NEMP2: variants seen among roughly 807,000 people sequenced by gnomAD.
NEMP2 encodes nuclear envelope integral membrane protein 2.
NEMP2 carries 53 observed loss-of-function variants against 54.2 expected under a neutral mutation model. That is an observed-to-expected ratio of 0.98 (90% CI 0.78 to 1.23). The LOEUF (loss-of-function observed/expected upper bound fraction) is 1.23, where lower values mean the gene tolerates loss of function less well. NEMP2 is among the 50% of genes most tolerant of loss of function. The probability of loss-of-function intolerance (pLI) is 0.00; values close to 1 mark genes in which losing one functional copy is unlikely to be tolerated. For missense variants in NEMP2, 455 were observed against 511.3 expected (o/e 0.89, Z 1.06); for synonymous variants, 197 against 190.3 (o/e 1.04, Z -0.29).
chr2:190,488,863 A>G, the NEMP2 span: 291 of 1,482,490 alleles, frequency 2.0e-4, no homozygotes, highest in African/African-American at 3.3e-4. The surrounding 1 kb of genome is among the most constrained non-coding windows in gnomAD (Gnocchi z 6.4). Context: ...TTATTAAAAC[A>G]TGATTTTTTC....
At chr2:190,563,413 T>C in the NEMP2 span, among the ~76,000 whole-genome samples, 1 of 152,192 alleles carries the variant, frequency 6.6e-6, no homozygotes, top group African/African-American at 2.4e-5. The surrounding 1 kb of genome is among the most constrained non-coding windows in gnomAD (Gnocchi z 4.3). Context: ...GAATGTGCTT[T>C]GGGCGGTAGT....
chr2:190,526,005 G>T (rs568968505), intron 1 of NEMP2, among the ~76,000 whole-genome samples: 1 of 152,096 alleles, frequency 6.6e-6, no homozygotes, highest in Non-Finnish European at 1.5e-5. Context: ...ACACTCAAAA[G>T]GATTTAACTG....
intron 4 of NEMP2, 80 bp downstream of exon 4, chr2:190,518,656 G>C: frequency 1.7e-6 from 2 of 1,181,698 alleles, no homozygotes; most frequent in Non-Finnish European, 2.4e-6. Flanking sequence ...ACAATAGTGT[G>C]AAAATACTTA....
At chr2:190,561,280 G>A in the NEMP2 span, among the ~76,000 whole-genome samples, 1 of 152,178 alleles carries the variant, frequency 6.6e-6, no homozygotes, top group African/African-American at 2.4e-5. This position sits in a 1 kb window ranked among gnomAD's most constrained non-coding sequence, Gnocchi z 5.4. Flanking sequence ...CCTTAACCCT[G>A]TCTCAGATAG....
rs1464329532 is a variant in NEMP2 at position 190,519,142 on chromosome 2, G to A, written c.255C>T (p.Ile85=). 6.5e-6 allele frequency: 10 copies of A among 1,550,240 alleles called. No individual in the cohort carries two copies. Among genetic ancestry groups the A allele is most frequent in the Non-Finnish European group, 7.0e-6 (8 of 1,146,900 alleles). The change falls in exon 3 of 9, where the codon ATC becomes ATT. Residue 85 remains isoleucine, a synonymous_variant. Coordinates refer to ENST00000409150, the MANE Select transcript of NEMP2 (RefSeq NM_001142645.2). The surrounding 1 kb of genome is among the most constrained non-coding windows in gnomAD (Gnocchi z 5.4). ...TSPGLFRIVY[I]AERHNCQYPE... ...GATATTGGCAATTATGTCTTTCTGCGATATATACAATTCTGAACAGGCCTG... is the reference window on the plus strand; with the variant it reads ...GATATTGGCAATTATGTCTTTCTGCAATATATACAATTCTGAACAGGCCTG...
the NEMP2 span, among the ~76,000 whole-genome samples, chr2:190,422,147 A>G: frequency 6.6e-6 from 1 of 152,066 alleles, no homozygotes; most frequent in Non-Finnish European, 1.5e-5. Flanking sequence ...TGTTTATTTA[A>G]CTTTCTCTGT....
the NEMP2 span, among the ~76,000 whole-genome samples, chr2:190,606,581 G>A: frequency 6.6e-6 from 1 of 152,172 alleles, no homozygotes; most frequent in Non-Finnish European, 1.5e-5. Flanking sequence ...GTGTGGTGGG[G>A]CAGGACTGTA....
chr2:190,445,794 A>G, the NEMP2 span, among the ~76,000 whole-genome samples: 1 of 136,254 alleles, frequency 7.3e-6, no homozygotes, highest in East Asian at 2.5e-4. Flanking sequence ...TTGAAATCAG[A>G]TTCATAACGT....
At chr2:190,481,800 A>C in the NEMP2 span, among the ~76,000 whole-genome samples, 6 of 152,120 alleles carry the variant, frequency 3.9e-5, no homozygotes, top group Non-Finnish European at 8.8e-5. Flanking sequence ...TCTTATATAA[A>C]CTTTCTTTCG....
At chr2:190,462,047 A>G in the NEMP2 span, among the ~76,000 whole-genome samples, 1 of 152,136 alleles carries the variant, frequency 6.6e-6, no homozygotes, top group Non-Finnish European at 1.5e-5. This position sits in a 1 kb window ranked among gnomAD's most constrained non-coding sequence, Gnocchi z 5.7. Context: ...CTACAGAAAT[A>G]TACTCCTTAG....
rs1451679342 is a variant in NEMP2, at chr2:190,523,384, T to C, written c.213+1879A>G. Reference sequence around the variant, plus strand: ...CTGGGATTAGGCAAATAAATAAATATATTTGAGGATAATGGGAACTAAGTT... The same window carrying C: ...CTGGGATTAGGCAAATAAATAAATACATTTGAGGATAATGGGAACTAAGTT... On this transcript the variant is annotated intron_variant, in intron 2 of 8. Coordinates refer to ENST00000409150, the MANE Select transcript of NEMP2 (RefSeq NM_001142645.2). This position sits in a 1 kb window ranked among gnomAD's most constrained non-coding sequence, Gnocchi z 5.3. Among the ~76,000 whole-genome samples, 1 of 152,208 alleles carries C rather than the reference T, an allele frequency of 6.6e-6. No individual in the cohort carries two copies. The highest frequency in any genetic ancestry group is 2.4e-5 in the African/African-American group (1 of 41,452).
intron 1 of NEMP2, 40 bp downstream of exon 1, chr2:190,534,519 A>AGCAC (rs1691291132): frequency 8.1e-6 from 11 of 1,366,114 alleles, no homozygotes; most frequent in East Asian, 3.1e-5. Context: ...CCGGGGAGCG[A>AGCAC]GCACGCACGC....
rs113513675 is a variant in NEMP2 at position 190,532,793 on chromosome 2, G to A, written c.97+1766C>T. 8.4e-3 allele frequency among the ~76,000 whole-genome samples: 1,285 copies of A among 152,332 alleles called. 6 individuals carry two copies. Among genetic ancestry groups the A allele is most frequent in the Non-Finnish European group, 0.012 (802 of 68,020 alleles). The stretch of plus-strand genomic sequence containing the variant: ...AGAGCAGCTATGGTTCTTAAGCCTA[G>A]TCTAATCCAGGGCTGCCAACAGTGT... On this transcript the variant is annotated intron_variant, in intron 1 of 8. Transcript: ENST00000409150.
At chr2:190,473,584 G>A in the NEMP2 span, among the ~76,000 whole-genome samples, 1 of 152,154 alleles carries the variant, frequency 6.6e-6, no homozygotes, top group Non-Finnish European at 1.5e-5. Flanking sequence ...AGTCCTTAGA[G>A]ACCTACAAAG....
At chr2:190,579,274 A>G in the NEMP2 span, among the ~76,000 whole-genome samples, 1 of 151,646 alleles carries the variant, frequency 6.6e-6, no homozygotes, top group Non-Finnish European at 1.5e-5. Context: ...TGAATACATA[A>G]TTTTAAAGAC....
the NEMP2 span, among the ~76,000 whole-genome samples, chr2:190,421,979 C>T: frequency 6.6e-6 from 1 of 152,144 alleles, no homozygotes; most frequent in African/African-American, 2.4e-5. Context: ...GAAAGCCTAA[C>T]TTTCTCATTT....
Position 190,514,304 on chromosome 2 carries a change from T to C in NEMP2, c.953+149A>G. 1.3e-6 allele frequency: 1 copy of C among 757,174 alleles called. No homozygotes were observed. Among genetic ancestry groups the C allele is most frequent in the Non-Finnish European group, 2.2e-6 (1 of 461,568 alleles). 46.9% of individuals were successfully genotyped at this position (757,174 alleles called of 1,614,324 possible). On this transcript the variant is annotated intron_variant, in intron 7 of 8. Coordinates refer to ENST00000409150, the MANE Select transcript of NEMP2 (RefSeq NM_001142645.2). This position sits in a 1 kb window ranked among gnomAD's most constrained non-coding sequence, Gnocchi z 5.7. ...AGATGGGATCAGATGCTTGGAGCTC[T>C]CTACCCCTACACCCCCAATCTTGCT...
At chr2:190,626,555 A>G in the NEMP2 span, 1 of 152,198 alleles carries the variant, frequency 6.6e-6, no homozygotes, top group East Asian at 1.9e-4. This position sits in a 1 kb window ranked among gnomAD's most constrained non-coding sequence, Gnocchi z 4.5. Flanking sequence ...ACAATGCTTT[A>G]TAGCATTCAC....
chr2:190,599,698 G>T, the NEMP2 span, among the ~76,000 whole-genome samples: 2 of 152,088 alleles, frequency 1.3e-5, no homozygotes, highest in African/African-American at 4.8e-5. Context: ...AATGATATAA[G>T]CCAGGTGTTC....
Sources: allele counts gnomAD v4.1 joint callset (sites outside exome capture counted in the v4.1 genomes callset), GRCh38; gene constraint gnomAD v4.1.1; non-coding constraint Gnocchi (gnomAD v3.1); transcripts MANE v1.5; gene names NCBI Gene and HGNC (gene_info 2026-07-23, HGNC 2026-07-21).